Variants in CD163L1 observed in about 807,000 individuals in gnomAD.
The protein encoded by CD163L1 is CD163 molecule like 1.
CD163L1 carries 124 observed loss-of-function variants against 165.4 expected under a neutral mutation model. The observed-to-expected ratio is 0.75, with a 90% CI of 0.65 to 0.87. CD163L1 has a LOEUF of 0.87. Among genes scored for constraint, CD163L1 ranks in the 40% least tolerant of loss-of-function variants. The pLI is 0.00. For missense variants in CD163L1, 1,525 were observed against 1,799.9 expected (o/e 0.85, Z 2.76); for synonymous variants, 585 against 662.2 (o/e 0.88, Z 1.79).
At chr12:7,422,543 A>G (rs1948458223) in intron 4 of CD163L1, among the ~76,000 whole-genome samples, 1 of 151,902 alleles carries the variant, frequency 6.6e-6, no homozygotes, top group South Asian at 2.1e-4. Context: ...AGAACCTTGA[A>G]AAAAGGTTAA....
In CD163L1 at chr12:7,376,001, G is replaced by A; in HGVS notation, c.2385C>T (p.Pro795=). Reference sequence around the variant, plus strand: ...AGGGCATATCAGCTCCAACCAGCCTGGGCTGCCTGTGGGCTATAAAATAAT... The same window carrying A: ...AGGGCATATCAGCTCCAACCAGCCTAGGCTGCCTGTGGGCTATAAAATAAT... ...ASLICSAHRQ[P]RLVGADMPCS... The change falls in exon 10 of 20, where the codon CCC becomes CCT. Residue 795 remains proline, a synonymous_variant. Transcript: ENST00000313599. The A allele has an allele frequency of 6.2e-7, 1 of 1,613,454 alleles. No individual in the cohort carries two copies. Among genetic ancestry groups the A allele is most frequent in the Non-Finnish European group, 8.5e-7 (1 of 1,179,624 alleles).
Position 7,375,729 on chromosome 12 carries a change from T to C in CD163L1, c.2657A>G (p.His886Arg). 3 of 1,614,236 alleles carry C rather than the reference T, an allele frequency of 1.9e-6. No individual in the cohort carries two copies. The highest frequency in any genetic ancestry group is 2.5e-6 in the Non-Finnish European group (3 of 1,180,048). ...ACAGACAACTCCAACTTCTCTGCTG[T>C]GGATACAAGTGTCTTCCGGATGTTG... ...IVQHPEDTCI[H>R]SREVGVVCSR... The change falls in exon 10 of 20, where the codon CAC (histidine) becomes CGC (arginine). Residue 886 changes from histidine (H) to arginine (R), a missense_variant. By Grantham distance (29) the His-to-Arg change is conservative. Coordinates refer to ENST00000313599, the MANE Select transcript of CD163L1 (RefSeq NM_174941.6).
At chr12:7,381,617 C>T (rs1285481170) in intron 8 of CD163L1, among the ~76,000 whole-genome samples, 1 of 151,972 alleles carries the variant, frequency 6.6e-6, no homozygotes, top group Non-Finnish European at 1.5e-5. Context: ...AGCAACTTTA[C>T]CATAAAAGTA....
the CD163L1 span, chr12:7,323,485 A>G: frequency 6.2e-7 from 1 of 1,613,812 alleles, no homozygotes; most frequent in African/African-American, 1.3e-5. Context: ...GCAATGTTCT[A>G]CCACCTGGCA....
chr12:7,366,524 C>CA (rs2136401262), intron 18 of CD163L1, among the ~76,000 whole-genome samples: 1 of 152,020 alleles, frequency 6.6e-6, no homozygotes, highest in East Asian at 1.9e-4. Flanking sequence ...TACATCAATA[C>CA]AAAAACAAAG....
downstream of CD163L1, among the ~76,000 whole-genome samples, chr12:7,343,475 A>G (rs779854802): frequency 7.9e-5 from 12 of 152,318 alleles, no homozygotes; most frequent in Admixed American, 1.3e-4. Context: ...AGTGCTGGGC[A>G]TCTTATTGGC....
the CD163L1 span, among the ~76,000 whole-genome samples, chr12:7,333,979 G>T: frequency 1.3e-5 from 2 of 152,116 alleles, no homozygotes; most frequent in African/African-American, 4.8e-5. Flanking sequence ...AACAGGCTCT[G>T]AAATTGAGGC....
At chr12:7,413,091 C>CAAAAAAA (rs111943372) in intron 4 of CD163L1, among the ~76,000 whole-genome samples, 2 of 39,522 alleles carry the variant, frequency 5.1e-5, no homozygotes, top group African/African-American at 1.5e-4. Flanking sequence ...GACTCCATCT[C>CAAAAAAA]AAAAAAAAAA....
chr12:7,331,907 C>G, the CD163L1 span, among the ~76,000 whole-genome samples: 1 of 152,300 alleles, frequency 6.6e-6, no homozygotes, highest in South Asian at 2.1e-4. Context: ...CAGCTCCTCA[C>G]CAGCAACAGA....
At chr12:7,396,590 A>G (rs1160232188) in intron 7 of CD163L1, among the ~76,000 whole-genome samples, 175 bp from the exon 8 acceptor site, 2 of 152,214 alleles carry the variant, frequency 1.3e-5, no homozygotes, top group Non-Finnish European at 2.9e-5. Context: ...AGTACAGCCA[A>G]TTATCCTCCA....
At chr12:7,322,110 CT>C in the CD163L1 span, among the ~76,000 whole-genome samples, 1 of 152,190 alleles carries the variant, frequency 6.6e-6, no homozygotes, top group African/African-American at 2.4e-5. Flanking sequence ...TATCATGTGG[CT>C]CATCAAAAGC....
intron 1 of CD163L1, 151 bp downstream of exon 1, chr12:7,443,946 G>T: frequency 1.5e-6 from 1 of 669,726 alleles, no homozygotes; most frequent in Non-Finnish European, 2.4e-6. Flanking sequence ...GCTACTCTAA[G>T]TTCCACAAAA....
rs145053222 is a variant in CD163L1, at chr12:7,369,514, A to G, written c.3882T>C (p.Ala1294=). 7.0e-5 allele frequency: 113 copies of G among 1,614,064 alleles called. No individual in the cohort carries two copies. The highest frequency in any genetic ancestry group is 9.3e-5 in the Non-Finnish European group (110 of 1,180,034). Reference sequence around the variant, plus strand: ...GGCCAAACGAAGCGTCCCTCAGGGCAGCCAGAGCAGAGCCACAGCCCAGCT... The same window carrying G: ...GGCCAAACGAAGCGTCCCTCAGGGCGGCCAGAGCAGAGCCACAGCCCAGCT... ...CQQLGCGSAL[A]ALRDASFGQG... Residue 1294 remains alanine, a synonymous_variant, in exon 15 of 20, where the codon GCT becomes GCC. Coordinates refer to ENST00000313599, the MANE Select transcript of CD163L1 (RefSeq NM_174941.6). The surrounding 1 kb of genome is among the most constrained non-coding windows in gnomAD (Gnocchi z 4.9).
chr12:7,397,607 A>AC (rs760312873), intron 7 of CD163L1, among the ~76,000 whole-genome samples: 2 of 152,080 alleles, frequency 1.3e-5, no homozygotes, highest in Non-Finnish European at 2.9e-5. Flanking sequence ...TATTAATCCT[A>AC]CTTTGCTTGA....
intron 2 of CD163L1, among the ~76,000 whole-genome samples, chr12:7,434,319 A>C (rs1274638192): frequency 6.6e-6 from 1 of 152,206 alleles, no homozygotes; most frequent in Middle Eastern, 3.2e-3. Flanking sequence ...CAACCACTTC[A>C]GAAAGGGCAG....
intron 4 of CD163L1, 127 bp from the exon 5 acceptor site, chr12:7,406,979 C>G: frequency 1.1e-6 from 1 of 877,834 alleles, no homozygotes; most frequent in Middle Eastern, 3.2e-4. Flanking sequence ...CTAACTCTTG[C>G]TTTTTAAAAT....
chr12:7,349,584 T>A (rs971337700), intron 4 of CD163L1, among the ~76,000 whole-genome samples: 26 of 152,166 alleles, frequency 1.7e-4, no homozygotes, highest in Non-Finnish European at 1.6e-4. Flanking sequence ...AATGAAAAGA[T>A]GTATAAGGGT....
At chr12:7,319,053 C>T in the CD163L1 span, among the ~76,000 whole-genome samples, 337 of 152,102 alleles carry the variant, frequency 2.2e-3, 2 homozygotes, top group African/African-American at 7.5e-3. Context: ...TAATGTATAA[C>T]GAAATAATTA....
Position 7,406,585 on chromosome 12 carries a change from C to T in CD163L1, c.1034G>A (p.Gly345Glu), listed in dbSNP as rs1160642294. The T allele has an allele frequency of 6.2e-7, 1 of 1,614,058 alleles. No individual in the cohort carries two copies. The highest frequency in any genetic ancestry group is 8.5e-7 in the Non-Finnish European group (1 of 1,179,984). Residue 345 changes from glycine to glutamate, a missense_variant, in exon 5 of 20, where the codon GGA (glycine) becomes GAA (glutamate). Gly to Glu is a moderately conservative substitution (Grantham distance 98). Coordinates refer to ENST00000313599, the MANE Select transcript of CD163L1 (RefSeq NM_174941.6). Reference protein sequence around the residue: ...ESFLWDCRHSGTVNFDCLHQN... With the variant: ...ESFLWDCRHSETVNFDCLHQN... ...ATGAAGACAGTCAAAATTGACGGTT[C>T]CGGAATGTCTGCAGTCCCAAAGAAA...
Sources: gnomAD v4.1 joint callset for allele counts (sites outside exome capture counted in the v4.1 genomes callset) on GRCh38, gnomAD v4.1.1 for gene constraint, Gnocchi (gnomAD v3.1) non-coding constraint, MANE v1.5 for transcripts, NCBI Gene and HGNC (gene_info 2026-07-23, HGNC 2026-07-21) for gene names.